ZFYVE28: variants seen among roughly 807,000 people sequenced by gnomAD.
ZFYVE28 encodes the protein zinc finger FYVE-type containing 28.
A neutral mutation model predicts 82.1 loss-of-function variants in ZFYVE28; 40 were observed. That is an observed-to-expected ratio of 0.49 (90% CI 0.38 to 0.63). ZFYVE28 has a LOEUF of 0.63. Ranked by LOEUF, ZFYVE28 falls within the 30% of genes least tolerant of loss-of-function variation. The pLI is 0.00. For missense variants in ZFYVE28, 1,321 were observed against 1,242.1 expected, an observed-to-expected ratio of 1.06 and a Z score of -0.96; for synonymous variants, 612 against 546.1, an observed-to-expected ratio of 1.12 and a Z score of -1.68.
chr4:2,272,654 G>A (rs950540113), intron 10 of ZFYVE28, among the ~76,000 whole-genome samples: 1 of 152,214 alleles, frequency 6.6e-6, no homozygotes, highest in African/African-American at 2.4e-5. Context: ...TACCTCAGCA[G>A]CTCATGGGCA....
chr4:2,277,448 C>G (rs1046653286), intron 8 of ZFYVE28, among the ~76,000 whole-genome samples: 1 of 151,684 alleles, frequency 6.6e-6, no homozygotes, highest in Non-Finnish European at 1.5e-5. Context: ...CCACTGCACT[C>G]CAGCCTGGGT....
At position 2,271,684 on chromosome 4, in the gene ZFYVE28, C is replaced by T. The variant is rs146615258; in HGVS notation, c.2419G>A (p.Asp807Asn). Reference sequence around the variant, plus strand: ...AGAGCCTCCCACACACCTTCAAAGTCCCCATCGCGGGTCTTGGCTGCCAGT... The same window carrying T: ...AGAGCCTCCCACACACCTTCAAAGTTCCCATCGCGGGTCTTGGCTGCCAGT... Reference protein sequence around the residue: ...SELAAKTRDGDFEDPPEWVPD... With the variant: ...SELAAKTRDGNFEDPPEWVPD... The change falls in exon 11 of 13, where the codon GAC becomes AAC. Residue 807 changes from aspartate (D) to asparagine (N), a missense_variant. Coordinates refer to ENST00000290974, the MANE Select transcript of ZFYVE28 (RefSeq NM_020972.3). The T allele has an allele frequency of 5.1e-5, 82 of 1,613,868 alleles. No homozygotes were observed. In the African/African-American group the frequency reaches 9.1e-4, roughly 18 times the overall value.
chr4:2,310,831 C>A (rs940849750), intron 7 of ZFYVE28, among the ~76,000 whole-genome samples: 2 of 152,034 alleles, frequency 1.3e-5, no homozygotes, highest in Non-Finnish European at 2.9e-5. Context: ...TAGAAAATGT[C>A]TTTTTTTCTA....
At position 2,320,355 on chromosome 4, in the gene ZFYVE28, A is replaced by C; in HGVS notation, c.702-84T>G. The C allele has an allele frequency of 7.9e-7, 1 of 1,257,980 alleles. No individual in the cohort carries two copies. The highest frequency in any genetic ancestry group is 2.6e-5 in the East Asian group (1 of 39,112). 77.9% of individuals were successfully genotyped at this position (1,257,980 alleles called of 1,614,324 possible). On this transcript the variant is annotated intron_variant, in intron 6 of 12. Transcript: ENST00000290974. This position sits in a 1 kb window ranked among gnomAD's most constrained non-coding sequence, Gnocchi z 5.1. ...ACGGCCCAACTTAACCACCTGCGAA[A>C]ACCACGCCCGCTGGGACTCTGCAGC...
At chr4:2,297,647 A>G (rs937928681) in intron 8 of ZFYVE28, among the ~76,000 whole-genome samples, 49 of 152,262 alleles carry the variant, frequency 3.2e-4, no homozygotes, top group Non-Finnish European at 6.5e-4. Context: ...AACAGCTGCA[A>G]GCGCAATCTG....
Position 2,337,465 on chromosome 4 carries a change from G to A in ZFYVE28, c.553C>T (p.Pro185Ser). ...YVSAMVPVKSPREYYVQQEVI... is the reference protein window; with the variant it reads ...YVSAMVPVKSSREYYVQQEVI... ...TCCTGCTGCACGTAGTACTCCCTGG[G>A]GGACTTCACAGGCACCATGGCCGAG... Residue 185 changes from proline (P) to serine (S), a missense_variant, in exon 5 of 13, where the codon CCC becomes TCC. Pro to Ser is a moderately conservative substitution (Grantham distance 74). Transcript: ENST00000290974. 2 of 1,610,206 alleles carry A rather than the reference G, an allele frequency of 1.2e-6. No homozygotes were observed. Among genetic ancestry groups the A allele is most frequent in the Non-Finnish European group, 1.7e-6 (2 of 1,178,066 alleles).
chr4:2,386,108 T>C (rs3135098), intron 1 of ZFYVE28, among the ~76,000 whole-genome samples: 103,791 of 152,072 alleles, frequency 0.68, 35,570 homozygotes, highest in East Asian at 0.79. Context: ...CTGCAGCAGC[T>C]GGCTTTCCAC....
chr4:2,414,128 C>T (rs775114278), intron 1 of ZFYVE28, among the ~76,000 whole-genome samples: 1 of 152,262 alleles, frequency 6.6e-6, no homozygotes, highest in Non-Finnish European at 1.5e-5. Context: ...GTACAGAGTG[C>T]TGGCCACCAA....
intron 8 of ZFYVE28, among the ~76,000 whole-genome samples, chr4:2,296,415 C>T (rs900677779): frequency 7.2e-5 from 11 of 152,224 alleles, no homozygotes; most frequent in African/African-American, 1.2e-4. Context: ...CCCGACTCAC[C>T]GTGTCAGCCC....
chr4:2,373,596 T>A (rs1727800879), intron 1 of ZFYVE28, among the ~76,000 whole-genome samples: 1 of 152,224 alleles, frequency 6.6e-6, no homozygotes, highest in African/African-American at 2.4e-5. Context: ...CTTGGTCTTC[T>A]GCCTGTGTGA....
intron 8 of ZFYVE28, among the ~76,000 whole-genome samples, chr4:2,299,232 T>C (rs1715112919): frequency 6.6e-6 from 1 of 152,058 alleles, no homozygotes; most frequent in African/African-American, 2.4e-5. Context: ...ACGCAGGCGC[T>C]AACAGAACAA....
intron 1 of ZFYVE28, among the ~76,000 whole-genome samples, chr4:2,371,257 G>A (rs538878742): frequency 2.6e-5 from 4 of 152,312 alleles, no homozygotes; most frequent in East Asian, 3.9e-4. Flanking sequence ...GTGGTTGCCC[G>A]CGTCGTGCTC....
At chr4:2,294,728 A>C (rs1485610457) in intron 8 of ZFYVE28, among the ~76,000 whole-genome samples, 1 of 152,262 alleles carries the variant, frequency 6.6e-6, no homozygotes, top group Non-Finnish European at 1.5e-5. Flanking sequence ...AAGAACTATC[A>C]GTACTCAATA....
intron 1 of ZFYVE28, among the ~76,000 whole-genome samples, chr4:2,368,202 A>ACCCC (rs56157219): frequency 2.4e-5 from 3 of 127,050 alleles, no homozygotes; most frequent in African/African-American, 6.1e-5. Context: ...ACAAAGCAAC[A>ACCCC]CATCTCTACA....
intron 1 of ZFYVE28, chr4:2,364,718 A>G (rs3128826): frequency 0.58 from 573,830 of 985,318 alleles, 167,773 homozygotes; most frequent in Admixed American, 0.67. Flanking sequence ...CAGGGGTGAC[A>G]GTGGTGGACG....
At chr4:2,271,820 C>T (rs565985106) in intron 10 of ZFYVE28, 41 bp from the exon 11 acceptor site, 25 of 1,584,542 alleles carry the variant, frequency 1.6e-5, no homozygotes, top group African/African-American at 8.1e-5. Context: ...GTGAGGGAGG[C>T]GGGCAATTGA....
intron 8 of ZFYVE28, among the ~76,000 whole-genome samples, chr4:2,290,052 TGACA>T (rs1369392781): frequency 1.3e-5 from 2 of 152,016 alleles, no homozygotes; most frequent in African/African-American, 2.4e-5. Flanking sequence ...GCTCAACAAC[TGACA>T]GACAGCCAGG....
At chr4:2,374,341 G>A (rs1727884685) in intron 1 of ZFYVE28, among the ~76,000 whole-genome samples, 2 of 152,206 alleles carry the variant, frequency 1.3e-5, no homozygotes, top group African/African-American at 4.8e-5. Flanking sequence ...GCCAGGCATG[G>A]TGGCTCACAC....
intron 7 of ZFYVE28, among the ~76,000 whole-genome samples, chr4:2,319,644 G>A (rs568350144): frequency 1.3e-5 from 2 of 152,326 alleles, no homozygotes; most frequent in South Asian, 2.1e-4. Context: ...GGCTCTGTCG[G>A]CTCAGGCCAC....
Sources: allele counts gnomAD v4.1 joint callset (sites outside exome capture counted in the v4.1 genomes callset), GRCh38; gene constraint gnomAD v4.1.1; non-coding constraint Gnocchi (gnomAD v3.1); transcripts MANE v1.5; gene names NCBI Gene and HGNC (gene_info 2026-07-23, HGNC 2026-07-21).